CNTNAP5: variants seen among roughly 807,000 people sequenced by gnomAD.
The protein encoded by CNTNAP5 is contactin-associated protein-like 5.
A neutral mutation model predicts 150.2 loss-of-function variants in CNTNAP5; 72 were observed. The observed-to-expected ratio is 0.48, with a 90% CI of 0.40 to 0.58. The LOEUF is 0.58. Among genes scored for constraint, CNTNAP5 ranks in the 20% least tolerant of loss-of-function variants. The probability of loss-of-function intolerance (pLI) is 0.00; values close to 1 mark genes in which losing one functional copy is unlikely to be tolerated. For synonymous variants in CNTNAP5, 672 were observed against 619.8 expected (o/e 1.08, Z -1.25); for missense variants, 1,636 against 1,626.2 (o/e 1.01, Z -0.10).
intron 1 of CNTNAP5, among the ~76,000 whole-genome samples, chr2:124,220,668 G>A (rs1294945627): frequency 6.6e-6 from 1 of 152,058 alleles, no homozygotes; most frequent in Non-Finnish European, 1.5e-5. Flanking sequence ...CAAGGTTCTG[G>A]TATCTGGTGA....
rs1271320302 is a variant in CNTNAP5 at position 124,412,712 on chromosome 2, C to G, written c.382-4731C>G. 1.4e-3 allele frequency among the ~76,000 whole-genome samples: 154 copies of G among 113,566 alleles called. 2 individuals are homozygous for G. Among genetic ancestry groups the G allele is most frequent in the African/African-American group, 5.6e-3 (141 of 25,092 alleles). The allele number at this position is 113,566 out of a possible 152,430, so 74.5% of individuals were successfully genotyped here. ...CTGAAACTGGATCCCTTCCTTACAC[C>G]TTATACAAAAATCAATTCAAGATGG... On this transcript the variant is annotated intron_variant, in intron 3 of 23. Coordinates refer to ENST00000682447, the MANE Select transcript of CNTNAP5 (RefSeq NM_001367498.1).
At chr2:124,128,734 A>G (rs879626809) in intron 1 of CNTNAP5, among the ~76,000 whole-genome samples, 55 of 151,922 alleles carry the variant, frequency 3.6e-4, no homozygotes, top group Non-Finnish European at 1.5e-4. Flanking sequence ...TGCAGCCATA[A>G]AAAAGGGTGA....
intron 8 of CNTNAP5, among the ~76,000 whole-genome samples, chr2:124,505,743 A>G (rs1226596382): frequency 3.3e-5 from 5 of 152,036 alleles, no homozygotes; most frequent in Non-Finnish European, 5.9e-5. Flanking sequence ...TCCTTCAAGC[A>G]GCGGTGTATT....
chr2:124,406,870 G>A (rs1293044217), intron 3 of CNTNAP5, among the ~76,000 whole-genome samples: 1 of 151,982 alleles, frequency 6.6e-6, no homozygotes, highest in Non-Finnish European at 1.5e-5. Context: ...TACCTTTCCT[G>A]GCTTCTGGTA....
At chr2:124,744,540 T>A (rs1184634193) in intron 13 of CNTNAP5, among the ~76,000 whole-genome samples, 2 of 152,212 alleles carry the variant, frequency 1.3e-5, no homozygotes, top group African/African-American at 4.8e-5. Flanking sequence ...TTTGTTTGTT[T>A]CTTTATTTTG....
intron 3 of CNTNAP5, among the ~76,000 whole-genome samples, chr2:124,267,905 A>T (rs1003727057): frequency 1.3e-5 from 2 of 152,182 alleles, no homozygotes; most frequent in African/African-American, 4.8e-5. Context: ...GCAGCTTCCG[A>T]GGCTGACTCA....
chr2:124,728,590 A>G (rs1363436933), intron 13 of CNTNAP5, among the ~76,000 whole-genome samples: 9 of 152,068 alleles, frequency 5.9e-5, no homozygotes, highest in Non-Finnish European at 1.3e-4. Flanking sequence ...AAATATTTTA[A>G]TACATATGCA....
chr2:124,100,326 C>T (rs1683034944), intron 1 of CNTNAP5, among the ~76,000 whole-genome samples: 1 of 152,190 alleles, frequency 6.6e-6, no homozygotes, highest in Non-Finnish European at 1.5e-5. Context: ...CTACCTCCAA[C>T]ATTGAGGACT....
At chr2:124,638,471 CT>C (rs1448430013) in intron 12 of CNTNAP5, among the ~76,000 whole-genome samples, 2 of 151,928 alleles carry the variant, frequency 1.3e-5, no homozygotes, top group South Asian at 2.1e-4. Context: ...TAACTTTTTT[CT>C]TTTTTATAGT....
chr2:124,247,788 T>A (rs1573865232), intron 3 of CNTNAP5, among the ~76,000 whole-genome samples: 1 of 152,188 alleles, frequency 6.6e-6, no homozygotes, highest in Non-Finnish European at 1.5e-5. Flanking sequence ...CACACTCGTA[T>A]CTTTTTAAGC....
At position 124,203,518 on chromosome 2, in the gene CNTNAP5, C is replaced by G. The variant is rs182597822; in HGVS notation, c.83-18187C>G. ...GCTCCAACCCCACATTTTCCTTCCTCACTTCCCTAGCAGAAGTTCTCCATG... is the reference window on the plus strand; with the variant it reads ...GCTCCAACCCCACATTTTCCTTCCTGACTTCCCTAGCAGAAGTTCTCCATG... On this transcript the variant is annotated intron_variant, in intron 1 of 23. Coordinates refer to ENST00000682447, the MANE Select transcript of CNTNAP5 (RefSeq NM_001367498.1). 1.8e-3 allele frequency among the ~76,000 whole-genome samples: 276 copies of G among 152,312 alleles called. 1 individual carries two copies. Among genetic ancestry groups the G allele is most frequent in the African/African-American group, 6.5e-3 (269 of 41,576 alleles).
chr2:124,728,414 G>A (rs1680204994), intron 13 of CNTNAP5, among the ~76,000 whole-genome samples: 1 of 151,926 alleles, frequency 6.6e-6, no homozygotes, highest in Non-Finnish European at 1.5e-5. Context: ...CATGATGCTA[G>A]GCTTTTCTTT....
chr2:124,811,957 TATATA>T (rs762584182), intron 19 of CNTNAP5, among the ~76,000 whole-genome samples: 79 of 117,042 alleles, frequency 6.7e-4, no homozygotes, highest in Non-Finnish European at 8.8e-4. Flanking sequence ...AATATATATA[TATATA>T]TTTTTTATAA....
At chr2:124,058,383 T>C (rs114489588) in intron 1 of CNTNAP5, among the ~76,000 whole-genome samples, 63 of 152,274 alleles carry the variant, frequency 4.1e-4, no homozygotes, top group African/African-American at 1.4e-3. Flanking sequence ...CTTTGCCTAG[T>C]ATCAAAGTCC....
intron 3 of CNTNAP5, among the ~76,000 whole-genome samples, chr2:124,390,357 C>G (rs996885542): frequency 6.6e-6 from 1 of 152,224 alleles, no homozygotes; most frequent in African/African-American, 2.4e-5. Flanking sequence ...AGTTACATCT[C>G]TTCCATGATA....
chr2:124,724,284 T>C (rs565998673), intron 13 of CNTNAP5, among the ~76,000 whole-genome samples: 104 of 152,162 alleles, frequency 6.8e-4, no homozygotes, highest in African/African-American at 2.3e-3. Flanking sequence ...ATGTGGTTGA[T>C]TATAAAGAAT....
chr2:124,122,663 G>A (rs544018575), intron 1 of CNTNAP5, among the ~76,000 whole-genome samples: 1 of 152,086 alleles, frequency 6.6e-6, no homozygotes, highest in South Asian at 2.1e-4. Context: ...CGATTTACTG[G>A]ATGCTTATTG....
intron 1 of CNTNAP5, among the ~76,000 whole-genome samples, chr2:124,214,115 C>A (rs1238390853): frequency 6.6e-6 from 1 of 152,120 alleles, no homozygotes; most frequent in African/African-American, 2.4e-5. Flanking sequence ...AGGTGATGGT[C>A]TCCCCGTTGC....
At chr2:124,828,426 A>G (rs919256087) in intron 19 of CNTNAP5, among the ~76,000 whole-genome samples, 1 of 152,106 alleles carries the variant, frequency 6.6e-6, no homozygotes, top group Admixed American at 6.6e-5. Flanking sequence ...GCTTGCAGCA[A>G]GCTGAGATCG....
Sources: gnomAD v4.1 joint callset for allele counts (sites outside exome capture counted in the v4.1 genomes callset) on GRCh38, gnomAD v4.1.1 for gene constraint, MANE v1.5 for transcripts, NCBI Gene and HGNC (gene_info 2026-07-23, HGNC 2026-07-21) for gene names.